The following EML2 variants were observed in gnomAD, a reference collection of about 807,000 sequenced individuals.
The protein encoded by EML2 is EMAP like 2, also known as echinoderm microtubule-associated protein-like 2.
In EML2, 59 loss-of-function variants were observed where a neutral mutation model predicts 84.7. That is an observed-to-expected ratio of 0.70 (90% CI 0.56 to 0.86). The LOEUF (loss-of-function observed/expected upper bound fraction) is 0.86, where lower values mean the gene tolerates loss of function less well. Ranked by LOEUF, EML2 falls within the 40% of genes least tolerant of loss-of-function variation. The pLI, the probability that EML2 is intolerant of heterozygous loss-of-function variation, is 0.00. For synonymous variants in EML2, 352 were observed against 348.9 expected, an observed-to-expected ratio of 1.01 and a Z score of -0.10; for missense variants, 818 against 855.6, an observed-to-expected ratio of 0.96 and a Z score of 0.55.
upstream of EML2, chr19:45,643,767 C>A (rs1438020377): frequency 6.7e-7 from 1 of 1,495,542 alleles, no homozygotes; most frequent in South Asian, 1.3e-5. Flanking sequence ...GTAGCCCAAT[C>A]GCCTGCCGAG....
intron 2 of EML2, 91 bp from the exon 3 acceptor site, chr19:45,638,725 G>T (rs1310325547): frequency 1.3e-6 from 2 of 1,586,042 alleles, no homozygotes; most frequent in Non-Finnish European, 1.7e-6. Flanking sequence ...TTTTTTTAAA[G>T]GCAGGGAAAC....
At chr19:45,642,547 C>G (rs1195388638), upstream of EML2, 23 of 1,394,978 alleles carry the variant, frequency 1.6e-5, no homozygotes, top group Non-Finnish European at 2.0e-5. Context: ...AGCTCTCCAA[C>G]CCATCCGCAC....
chr19:45,643,516 C>T (rs2122856288), upstream of EML2: 1 of 1,534,504 alleles, frequency 6.5e-7, no homozygotes, highest in East Asian at 2.4e-5. Flanking sequence ...CTCATTTTCC[C>T]AAAGTGGGAG....
intron 3 of EML2, among the ~76,000 whole-genome samples, 191 bp from the exon 4 acceptor site, chr19:45,634,662 T>C (rs532856547): frequency 5.3e-5 from 8 of 150,628 alleles, no homozygotes; most frequent in South Asian, 2.1e-4. Flanking sequence ...CCTGGGTTCA[T>C]GCCATTCTCC....
chr19:45,617,841 C>T (rs2122637618), intron 12 of EML2, 144 bp from the exon 13 acceptor site: 4 of 615,552 alleles, frequency 6.5e-6, no homozygotes, highest in East Asian at 5.8e-5. Flanking sequence ...CCACCCCAGA[C>T]ACCATGGCAG....
chr19:45,645,441 G>T, upstream of EML2: 2 of 1,442,662 alleles, frequency 1.4e-6, no homozygotes, highest in Non-Finnish European at 9.0e-7. Context: ...CTTCGTTCCA[G>T]CATCCCCAGC....
At position 45,639,388 on chromosome 19, in the gene EML2, G is replaced by C; in HGVS notation, c.-12C>G. Reference sequence around the variant, plus strand: ...CCAAAGCTACTCATGGCGGCGGGTGGCGGAGCTTCGGGGCCGGGGGTGGAG... The same window carrying C: ...CCAAAGCTACTCATGGCGGCGGGTGCCGGAGCTTCGGGGCCGGGGGTGGAG... On this transcript the variant is annotated 5_prime_UTR_variant, in exon 1 of 19. Transcript: ENST00000245925. 3.2e-6 allele frequency: 4 copies of C among 1,261,028 alleles called. No homozygotes were observed. The highest frequency in any genetic ancestry group is 4.0e-6 in the Non-Finnish European group (4 of 995,342). 78.1% of individuals were successfully genotyped at this position (1,261,028 alleles called of 1,614,324 possible).
Position 45,620,028 on chromosome 19 carries a change from G to A in EML2, c.1123-837C>T, listed in dbSNP as rs1418532843. Reference sequence around the variant, plus strand: ...ATGGCATCACTGCATTCCAGGCTGGGTGATATAATAAATAAATAAAATGCT... The same window carrying A: ...ATGGCATCACTGCATTCCAGGCTGGATGATATAATAAATAAATAAAATGCT... On this transcript the variant is annotated intron_variant, in intron 11 of 18. Transcript: ENST00000245925. Among the ~76,000 whole-genome samples, 9 of 152,042 alleles carry A rather than the reference G, an allele frequency of 5.9e-5. No individual in the cohort carries two copies. In the East Asian group the frequency reaches 1.7e-3, roughly 29 times the overall value.
At chr19:45,622,220 T>C (rs1385886364) in intron 9 of EML2, among the ~76,000 whole-genome samples, 2 of 152,026 alleles carry the variant, frequency 1.3e-5, no homozygotes, top group Non-Finnish European at 2.9e-5. Context: ...TCCACTCACT[T>C]ATCTACTGGT....
intron 18 of EML2, among the ~76,000 whole-genome samples, chr19:45,611,221 C>T (rs1970460340): frequency 6.6e-6 from 1 of 151,958 alleles, no homozygotes; most frequent in African/African-American, 2.4e-5. Flanking sequence ...ACCAGCCTGA[C>T]CAATATGGAG....
upstream of EML2, chr19:45,642,181 C>A: frequency 6.5e-7 from 1 of 1,530,328 alleles, no homozygotes; most frequent in Non-Finnish European, 8.7e-7. Context: ...CTTGGGGGTG[C>A]CCCGCGCGCG....
chr19:45,610,772 G>A (rs1365060920), intron 18 of EML2, among the ~76,000 whole-genome samples: 3 of 151,974 alleles, frequency 2.0e-5, no homozygotes, highest in South Asian at 4.1e-4. Flanking sequence ...CCCAGGCAGC[G>A]GAGGTTGCAG....
chr19:45,624,952 C>A, intron 8 of EML2, 134 bp from the exon 9 acceptor site: 2 of 647,152 alleles, frequency 3.1e-6, no homozygotes, highest in Non-Finnish European at 2.7e-6. Context: ...CTGCGTGGAG[C>A]ATCCCTTCTC....
At chr19:45,618,845 G>A in intron 12 of EML2, 1 of 338,122 alleles carries the variant, frequency 3.0e-6, no homozygotes, top group Non-Finnish European at 5.5e-6. Context: ...TACTCGGGAG[G>A]CTGAGGCAGA....
chr19:45,614,620 C>T lies in EML2; in HGVS notation c.1678G>A (p.Gly560Arg), dbSNP rs35344004. ...MEWATATCVL[G>R]FGVFGIWSEG... Reference sequence around the variant, plus strand: ...CAGAACTCACCAAACACCCCAAACCCTAGGACACAAGTAGCTGTGGCCCAT... The same window carrying T: ...CAGAACTCACCAAACACCCCAAACCTTAGGACACAAGTAGCTGTGGCCCAT... The change falls in exon 17 of 19, where the codon GGG becomes AGG. Residue 560 changes from glycine to arginine, a missense_variant. By Grantham distance (125) the Gly-to-Arg change is moderately radical. Coordinates refer to ENST00000245925, the MANE Select transcript of EML2 (RefSeq NM_012155.4). 1 of 1,614,032 alleles carries T rather than the reference C, an allele frequency of 6.2e-7. No individual in the cohort carries two copies. The highest frequency in any genetic ancestry group is 8.5e-7 in the Non-Finnish European group (1 of 1,179,912).
chr19:45,632,014 C>T (rs1384673245), intron 6 of EML2, among the ~76,000 whole-genome samples: 2 of 150,034 alleles, frequency 1.3e-5, no homozygotes, highest in Non-Finnish European at 3.0e-5. Context: ...CTTGCCTCAG[C>T]CTCCCAAGTA....
At position 45,621,650 on chromosome 19, in the gene EML2, C is replaced by G. The variant is rs1169099713; in HGVS notation, c.842-13G>C. ...ATACGGTTCCCACCTGCAGGGTGGCCAGGGGCAGGGTCAACAGGGAGAAGC... is the reference window on the plus strand; with the variant it reads ...ATACGGTTCCCACCTGCAGGGTGGCGAGGGGCAGGGTCAACAGGGAGAAGC... On this transcript the variant is annotated splice_polypyrimidine_tract_variant and intron_variant, in intron 9 of 18. Transcript: ENST00000245925. 2 of 1,604,112 alleles carry G rather than the reference C, an allele frequency of 1.2e-6. No individual in the cohort carries two copies. Among genetic ancestry groups the G allele is most frequent in the Admixed American group, 3.3e-5 (2 of 59,704 alleles).
At chr19:45,614,550 G>C in intron 17 of EML2, 55 bp downstream of exon 17, 2 of 1,473,870 alleles carry the variant, frequency 1.4e-6, no homozygotes, top group Non-Finnish European at 1.9e-6. Flanking sequence ...CCACCAGCGG[G>C]GATGTCTCTC....
Position 45,624,961 on chromosome 19 carries a change from TC to T in EML2, c.742-144del. ...AAGGCTCTGCGTGGAGCATCCCTTC[TC>T]CCACCTGCCTCCATCCGGCCTGCAG... is the stretch of plus-strand genomic sequence containing the variant. On this transcript the variant is annotated intron_variant, in intron 8 of 18. Transcript: ENST00000245925. The T allele has an allele frequency of 7.9e-6, 5 of 634,256 alleles. No individual in the cohort carries two copies. The South Asian group carries it at 9.5e-5, about 12-fold the overall frequency. 39.3% of individuals were successfully genotyped at this position (634,256 alleles called of 1,614,324 possible).
Sources: gnomAD v4.1 joint callset for allele counts (sites outside exome capture counted in the v4.1 genomes callset) on GRCh38, gnomAD v4.1.1 for gene constraint, MANE v1.5 for transcripts, NCBI Gene and HGNC (gene_info 2026-07-23, HGNC 2026-07-21) for gene names.